The following CENPK variants were observed in gnomAD, a reference collection of about 807,000 sequenced individuals.
CENPK encodes the protein SoxLZ/Sox6-binding protein Solt.
CENPK carries 46 observed loss-of-function variants against 40.9 expected under a neutral mutation model. That is an observed-to-expected ratio of 1.13 (90% CI 0.89 to 1.44). The LOEUF is 1.44. Ranked by LOEUF, CENPK falls within the 40% of genes most tolerant of loss-of-function variation. The pLI, the probability that CENPK is intolerant of heterozygous loss-of-function variation, is 0.00. For missense variants in CENPK, 288 were observed against 303.5 expected, an observed-to-expected ratio of 0.95 and a Z score of 0.38; for synonymous variants, 107 against 104.4, an observed-to-expected ratio of 1.02 and a Z score of -0.15.
At chr5:65,529,614 G>C (rs968245940) in intron 6 of CENPK, 8 of 159,020 alleles carry the variant, frequency 5.0e-5, no homozygotes, top group African/African-American at 2.0e-4. Context: ...CAGCCCCTGA[G>C]TAGCTGGGAC....
Position 65,554,783 on chromosome 5 carries a change from C to G in CENPK, c.111+14G>C, listed in dbSNP as rs1216291389. On this transcript the variant is annotated intron_variant, in intron 3 of 10. Transcript: ENST00000396679. ...ATCTTATATTAACTATCACTTCTAT[C>G]TTTTGAAACTTACTTCTTCCATATC... is the stretch of plus-strand genomic sequence containing the variant. 1 of 1,294,164 alleles carries G rather than the reference C, an allele frequency of 7.7e-7. No individual in the cohort carries two copies. The highest frequency in any genetic ancestry group is 1.7e-5 in the Admixed American group (1 of 57,926). 80.2% of individuals were successfully genotyped at this position (1,294,164 alleles called of 1,614,324 possible). A position where few individuals can be genotyped will look rare whatever the true frequency, so the allele number is the denominator to read the frequency against.
chr5:65,512,884 AC>A (rs1187001883), downstream of CENPK, among the ~76,000 whole-genome samples: 1 of 152,210 alleles, frequency 6.6e-6, no homozygotes, highest in African/African-American at 2.4e-5. Flanking sequence ...TGTGGTAGGC[AC>A]ATAGTGATAT....
At chr5:65,521,948 C>T (rs956594789) in intron 9 of CENPK, among the ~76,000 whole-genome samples, 10 of 151,970 alleles carry the variant, frequency 6.6e-5, no homozygotes, top group African/African-American at 2.4e-4. Flanking sequence ...TACAAAGTAA[C>T]TAAAATCAAA....
chr5:65,517,266 A>C (rs140241387), downstream of CENPK, among the ~76,000 whole-genome samples: 711 of 152,274 alleles, frequency 4.7e-3, 3 homozygotes, highest in Non-Finnish European at 7.7e-3. Flanking sequence ...TTAATGTTTT[A>C]ATTAGCAAAC....
chr5:65,521,281 A>G (rs1743689506), intron 10 of CENPK, among the ~76,000 whole-genome samples, 194 bp downstream of exon 10: 1 of 152,194 alleles, frequency 6.6e-6, no homozygotes, highest in Non-Finnish European at 1.5e-5. Flanking sequence ...AAAAATAACA[A>G]TATTCCTCTC....
downstream of CENPK, among the ~76,000 whole-genome samples, chr5:65,514,230 CTTTTTT>C (rs1183025827): frequency 1.4e-4 from 9 of 62,796 alleles, no homozygotes; most frequent in African/African-American, 4.2e-4. Context: ...CTCACATAAT[CTTTTTT>C]TTTTTTTTTT....
At chr5:65,523,286 C>T (rs988534897) in intron 9 of CENPK, among the ~76,000 whole-genome samples, 15 of 152,148 alleles carry the variant, frequency 9.9e-5, no homozygotes, top group Admixed American at 2.0e-4. Context: ...AGGACAGACT[C>T]TAAAGGAAAC....
chr5:65,561,132 G>A (rs1282273254), intron 2 of CENPK: 1 of 159,212 alleles, frequency 6.3e-6, no homozygotes, highest in Non-Finnish European at 1.4e-5. Flanking sequence ...CATATAAAGA[G>A]CTTTATCAGT....
chr5:65,523,509 C>A (rs706661), intron 9 of CENPK, among the ~76,000 whole-genome samples: 103,591 of 151,958 alleles, frequency 0.68, 35,862 homozygotes, highest in East Asian at 0.89. Context: ...ATTCCTAAAT[C>A]AAGAGAGCCG....
At chr5:65,521,359 G>T (rs1346911029) in intron 10 of CENPK, 116 bp downstream of exon 10, 1 of 679,766 alleles carries the variant, frequency 1.5e-6, no homozygotes, top group African/African-American at 1.9e-5. Flanking sequence ...ATTTAATAAA[G>T]ATTGATGCAT....
chr5:65,511,733 C>A, the CENPK span, among the ~76,000 whole-genome samples: 1 of 152,142 alleles, frequency 6.6e-6, no homozygotes, highest in African/African-American at 2.4e-5. Context: ...TGTGAGGGAT[C>A]TAGGTTGCAT....
chr5:65,496,167 A>G, the CENPK span, among the ~76,000 whole-genome samples: 1 of 152,198 alleles, frequency 6.6e-6, no homozygotes. Context: ...TTAAGGTGGG[A>G]GGATCACTTG....
At chr5:65,506,608 AC>A in the CENPK span, among the ~76,000 whole-genome samples, 1 of 152,138 alleles carries the variant, frequency 6.6e-6, no homozygotes, top group South Asian at 2.1e-4. Context: ...ACATGGCGAA[AC>A]CCTGTCTCTA....
chr5:65,555,655 T>C (rs1032799689), intron 2 of CENPK, among the ~76,000 whole-genome samples: 1 of 152,194 alleles, frequency 6.6e-6, no homozygotes, highest in African/African-American at 2.4e-5. Context: ...ATAATATTGA[T>C]AGAAGCAGCA....
At chr5:65,545,318 A>G (rs1748688493) in intron 5 of CENPK, among the ~76,000 whole-genome samples, 1 of 137,136 alleles carries the variant, frequency 7.3e-6, no homozygotes, top group South Asian at 2.4e-4. Flanking sequence ...AAAGTCCTCA[A>G]AGCGCGCACA....
the CENPK span, among the ~76,000 whole-genome samples, chr5:65,503,966 A>T: frequency 6.9e-4 from 80 of 115,862 alleles, no homozygotes; most frequent in African/African-American, 1.4e-3. Context: ...TGCTAAAAAA[A>T]TTTTTTTTTT....
At chr5:65,550,173 TCAAAAAAAAAA>T (rs1749723007) in intron 5 of CENPK, among the ~76,000 whole-genome samples, 1 of 104,312 alleles carries the variant, frequency 9.6e-6, no homozygotes, top group Non-Finnish European at 2.2e-5. Context: ...AGACTCCATC[TCAAAAAAAAAA>T]AAAAAAAAAA....
chr5:65,561,773 C>T (rs539964544), intron 1 of CENPK, among the ~76,000 whole-genome samples: 1 of 96,126 alleles, frequency 1.0e-5, no homozygotes, highest in Non-Finnish European at 2.4e-5. Context: ...AGGGATAATA[C>T]TATACTTAAA....
At chr5:65,513,234 G>A (rs1260181480), downstream of CENPK, among the ~76,000 whole-genome samples, 1 of 151,930 alleles carries the variant, frequency 6.6e-6, no homozygotes, top group Non-Finnish European at 1.5e-5. Context: ...AAAAGTCATC[G>A]CCAAAGTCAG....
Sources: allele counts gnomAD v4.1 joint callset (sites outside exome capture counted in the v4.1 genomes callset), GRCh38; gene constraint gnomAD v4.1.1; transcripts MANE v1.5; gene names NCBI Gene and HGNC (gene_info 2026-07-23, HGNC 2026-07-21).